The following C19orf47 variants were observed in gnomAD, a reference collection of about 807,000 sequenced individuals.
C19orf47 encodes the protein chromosome 19 open reading frame 47.
Under a neutral mutation model 32.3 loss-of-function variants are expected in C19orf47, and 18 were observed. That is an observed-to-expected ratio of 0.56 (90% confidence interval 0.39 to 0.83). The LOEUF is 0.83. C19orf47 is among the 40% of genes least tolerant of loss of function. The pLI is 0.00. For missense variants in C19orf47, 484 were observed against 531.6 expected, an observed-to-expected ratio of 0.91 and a Z score of 0.88; for synonymous variants, 202 against 211.1, an observed-to-expected ratio of 0.96 and a Z score of 0.37.
the C19orf47 span, among the ~76,000 whole-genome samples, chr19:40,293,568 C>T: frequency 1.3e-5 from 2 of 151,796 alleles, no homozygotes; most frequent in Non-Finnish European, 2.9e-5. Context: ...CGGGTTCAAG[C>T]GATTCTCCTG....
At chr19:40,346,100 G>A (rs2078271509) in intron 1 of C19orf47, among the ~76,000 whole-genome samples, 1 of 150,030 alleles carries the variant, frequency 6.7e-6, no homozygotes, top group South Asian at 2.1e-4. Context: ...AGGTTGCAGT[G>A]AGCCGAAACT....
At chr19:40,329,511 CAG>C (rs745985962) in intron 5 of C19orf47, among the ~76,000 whole-genome samples, 56 of 152,160 alleles carry the variant, frequency 3.7e-4, no homozygotes, top group Middle Eastern at 3.4e-3. Flanking sequence ...GTCTCAAAAA[CAG>C]GGGGGAAAAA....
intron 6 of C19orf47, among the ~76,000 whole-genome samples, chr19:40,326,889 T>C (rs767092923): frequency 4.6e-5 from 7 of 152,320 alleles, no homozygotes; most frequent in East Asian, 1.9e-4. Context: ...GAGTGGTGGA[T>C]TGTGCATAAG....
chr19:40,311,557 T>A, the C19orf47 span, among the ~76,000 whole-genome samples: 7 of 151,578 alleles, frequency 4.6e-5, no homozygotes, highest in Admixed American at 1.3e-4. Context: ...ATAATAATAA[T>A]AAATAAAAAT....
the C19orf47 span, among the ~76,000 whole-genome samples, chr19:40,309,195 T>C: frequency 5.5e-5 from 8 of 144,190 alleles, no homozygotes; most frequent in South Asian, 2.1e-4. Flanking sequence ...CTCTCTCTCT[T>C]TTTTTTTTTT....
At position 40,323,992 on chromosome 19, in the gene C19orf47, C is replaced by G. The variant is rs201282159; in HGVS notation, c.663+14G>C. The G allele has an allele frequency of 2.5e-6, 4 of 1,614,218 alleles. No homozygotes were observed. Among genetic ancestry groups the G allele is most frequent in the East Asian group, 2.2e-5 (1 of 44,886 alleles). On this transcript the variant is annotated intron_variant, in intron 8 of 8. Transcript: ENST00000683109. ...AGCTCGCACGCCCAGAATCGCTCCC[C>G]CATCCCCACTCACTTTACTCCCTGT... is the stretch of plus-strand genomic sequence containing the variant.
At chr19:40,324,324 T>C (rs1252619090) in intron 7 of C19orf47, 2 of 560,356 alleles carry the variant, frequency 3.6e-6, no homozygotes, top group South Asian at 2.2e-5. Flanking sequence ...CACTAGCTCA[T>C]GAACTGTGTG....
chr19:40,308,520 G>A, the C19orf47 span, among the ~76,000 whole-genome samples: 758 of 148,180 alleles, frequency 5.1e-3, 8 homozygotes, highest in African/African-American at 0.017. Context: ...CTGCAGTGCA[G>A]TGGCGCAATC....
At chr19:40,323,665 G>C (rs2077767728) in intron 8 of C19orf47, among the ~76,000 whole-genome samples, 1 of 152,166 alleles carries the variant, frequency 6.6e-6, no homozygotes, top group African/African-American at 2.4e-5. Flanking sequence ...AGAGACAGTA[G>C]AGTCATCAGA....
chr19:40,328,970 G>C (rs1444347348), intron 5 of C19orf47, among the ~76,000 whole-genome samples: 1 of 152,082 alleles, frequency 6.6e-6, no homozygotes, highest in Non-Finnish European at 1.5e-5. Flanking sequence ...AAGCACAGCG[G>C]AATTGCTGCG....
At chr19:40,304,513 CT>C in the C19orf47 span, among the ~76,000 whole-genome samples, 3 of 152,136 alleles carry the variant, frequency 2.0e-5, no homozygotes, top group African/African-American at 7.2e-5. Flanking sequence ...AACTAAGAGA[CT>C]TATAATCTGC....
In C19orf47 at chr19:40,338,042, T is replaced by C. The variant is rs566091543; in HGVS notation, c.20-1635A>G. On this transcript the variant is annotated intron_variant, in intron 2 of 8. Transcript: ENST00000683109. ...AAAGAGAAAGTAGATTAGTGGTTGC[T>C]AGGGGGACAGGGGAAGTGACTGTTA... 1.3e-4 allele frequency among the ~76,000 whole-genome samples: 20 copies of C among 152,056 alleles called. No individual in the cohort carries two copies. The East Asian group carries it at 3.1e-3, about 24-fold the overall frequency.
Position 40,321,696 on chromosome 19 carries a change from T to A in C19orf47, c.*186A>T. The A allele has an allele frequency of 7.1e-7, 1 of 1,418,022 alleles. No homozygotes were observed. The highest frequency in any genetic ancestry group is 9.2e-7 in the Non-Finnish European group (1 of 1,091,886). 87.8% of individuals were successfully genotyped at this position (1,418,022 alleles called of 1,614,324 possible). ...GAGTCCTGGAGCAGGCCAGGCCAGC[T>A]GCGACGACCATCCCAGGCTAGGAGA... On this transcript the variant is annotated 3_prime_UTR_variant, in exon 9 of 9. Transcript: ENST00000683109.
the C19orf47 span, among the ~76,000 whole-genome samples, chr19:40,296,602 A>G: frequency 6.6e-6 from 1 of 152,104 alleles, no homozygotes; most frequent in Non-Finnish European, 1.5e-5. Flanking sequence ...ATATCTAAAC[A>G]TAGAAAAGGT....
At chr19:40,307,040 G>A in the C19orf47 span, among the ~76,000 whole-genome samples, 26 of 149,820 alleles carry the variant, frequency 1.7e-4, no homozygotes, top group African/African-American at 6.4e-4. Context: ...CCGCCCGCCT[G>A]GGCCTCCCAA....
chr19:40,315,547 G>A (rs569053703), downstream of C19orf47, among the ~76,000 whole-genome samples: 4 of 152,262 alleles, frequency 2.6e-5, no homozygotes, highest in African/African-American at 7.2e-5. Context: ...TTGGGAGGCC[G>A]AAGTGAGCAA....
the C19orf47 span, among the ~76,000 whole-genome samples, chr19:40,313,377 T>C: frequency 2.8e-4 from 43 of 152,266 alleles, no homozygotes; most frequent in African/African-American, 1.0e-3. Context: ...CAGGCTAGAG[T>C]GCAGTGTCGT....
chr19:40,309,910 C>T, the C19orf47 span, among the ~76,000 whole-genome samples: 3 of 152,242 alleles, frequency 2.0e-5, no homozygotes, highest in South Asian at 4.1e-4. Flanking sequence ...CCCTCATATA[C>T]TGCTGGTGGA....
At position 40,336,399 on chromosome 19, in the gene C19orf47, C is replaced by A; in HGVS notation, c.28G>T (p.Glu10Ter). The change falls in exon 3 of 9, where the codon GAG (glutamate) becomes TAG (stop). Residue 10 changes from glutamate to a stop codon, truncating the protein, a stop_gained. Transcript: ENST00000683109. LOFTEE classifies it high-confidence loss of function. ...GCTTCCTTAAAGAACTGGATCCACT[C>A]GGAAGTGGCTGTGGGGTTGGACAGG... is the stretch of plus-strand genomic sequence containing the variant. Reference protein sequence around the residue: MVSVTMATSEWIQFFKEAGI... With the variant: MVSVTMATS The A allele has an allele frequency of 1.2e-6, 2 of 1,613,296 alleles. No individual in the cohort carries two copies. The highest frequency in any genetic ancestry group is 1.7e-6 in the Non-Finnish European group (2 of 1,179,684).
Sources: allele counts gnomAD v4.1 joint callset (sites outside exome capture counted in the v4.1 genomes callset), GRCh38; gene constraint gnomAD v4.1.1; transcripts MANE v1.5; gene names NCBI Gene and HGNC (gene_info 2026-07-23, HGNC 2026-07-21).